The following MDN1 variants were observed in gnomAD, a reference collection of about 807,000 sequenced individuals.
MDN1 encodes midasin.
A neutral mutation model predicts 669.2 loss-of-function variants in MDN1; 266 were observed. The ratio of observed to expected loss-of-function variants is 0.40; its 90% CI spans 0.36 to 0.44. MDN1 has a LOEUF of 0.44. Ranked by LOEUF, MDN1 falls within the 20% of genes least tolerant of loss-of-function variation. MDN1 has a pLI of 1.00. For synonymous variants in MDN1, 2,385 were observed against 2,457.1 expected (o/e 0.97, Z 0.87); for missense variants, 5,940 against 6,754.0 (o/e 0.88, Z 4.22).
At position 89,656,484 on chromosome 6, in the gene MDN1, G is replaced by A. The variant is rs1809308401; in HGVS notation, c.15285+216C>T. Among the ~76,000 whole-genome samples, 6 of 152,152 alleles carry A rather than the reference G, an allele frequency of 3.9e-5. No individual in the cohort carries two copies. The South Asian group carries it at 6.2e-4, about 16-fold the overall frequency. ...GACTTCATGGCCGGAATCAGGGGTCGGGGAGAGACACAGGCAGGGAAGAAG... is the reference window on the plus strand; with the variant it reads ...GACTTCATGGCCGGAATCAGGGGTCAGGGAGAGACACAGGCAGGGAAGAAG... On this transcript the variant is annotated intron_variant, in intron 91 of 101. Coordinates refer to ENST00000369393, the MANE Select transcript of MDN1 (RefSeq NM_014611.3).
chr6:89,778,133 T>C lies in MDN1; in HGVS notation c.1726-1438A>G, dbSNP rs181659198. Among the ~76,000 whole-genome samples, 400 of 152,150 alleles carry C rather than the reference T, an allele frequency of 2.6e-3. 4 individuals carry two copies. Among genetic ancestry groups the C allele is most frequent in the Admixed American group, 5.6e-3 (86 of 15,280 alleles). ...ATTTTTTCATCCTTTTTAAAAGTAT[T>C]TTATATTTTTGTCCTGACAGTTGAA... On this transcript the variant is annotated intron_variant, in intron 11 of 101. Transcript: ENST00000369393.
rs199828870 is a variant in MDN1 at position 89,767,583 on chromosome 6, C to A, written c.2144+3978G>T. Among the ~76,000 whole-genome samples, 5 of 151,986 alleles carry A rather than the reference C, an allele frequency of 3.3e-5. No homozygotes were observed. In the East Asian group the frequency reaches 9.7e-4, roughly 29 times the overall value. On this transcript the variant is annotated intron_variant, in intron 15 of 101. Transcript: ENST00000369393. ...GACCAGCCTGACCAGCATGGTGAAA[C>A]CCTATCTCAATTAAAAATACAAAAT...
At position 89,670,797 on chromosome 6, in the gene MDN1, G is replaced by C. The variant is rs554481416; in HGVS notation, c.13956+122C>G. ...CAAAGCCCTAAATAATCCACAGGGA[G>C]AGCAAATCACATCCTGCTATTTGTG... On this transcript the variant is annotated intron_variant, in intron 83 of 101. Coordinates refer to ENST00000369393, the MANE Select transcript of MDN1 (RefSeq NM_014611.3). 7.1e-6 allele frequency: 8 copies of C among 1,131,258 alleles called. No homozygotes were observed. In the Admixed American group the frequency reaches 1.0e-4, roughly 14 times the overall value. The allele number at this position is 1,131,258 out of a possible 1,614,324, so 70.1% of individuals were successfully genotyped here.
At chr6:89,810,360 C>T (rs558641525) in intron 1 of MDN1, among the ~76,000 whole-genome samples, 478 of 151,864 alleles carry the variant, frequency 3.1e-3, no homozygotes, top group Non-Finnish European at 5.3e-3. Flanking sequence ...CGCTTGAACC[C>T]GGGAAGCAGA....
At chr6:89,670,164 A>AT (rs1234314950) in intron 83 of MDN1, among the ~76,000 whole-genome samples, 648 of 18,082 alleles carry the variant, frequency 0.036, 16 homozygotes, top group Non-Finnish European at 0.048. Flanking sequence ...ATATATATAT[A>AT]TATATATTTT....
chr6:89,781,547 G>T lies in MDN1; in HGVS notation c.1495C>A (p.Leu499Met). ...GTAAGTTGGATATAAATGTCAAGCAGGTGATCAACCACTGCCAATAGGCTA... is the reference window on the plus strand; with the variant it reads ...GTAAGTTGGATATAAATGTCAAGCATGTGATCAACCACTGCCAATAGGCTA... ...YPSLLAVVDH[L>M]LDIYIQLTGE... Residue 499 changes from leucine to methionine, a missense_variant, in exon 10 of 102, where the codon CTG becomes ATG. Transcript: ENST00000369393. 1 of 1,613,294 alleles carries T rather than the reference G, an allele frequency of 6.2e-7. No individual in the cohort carries two copies. The highest frequency in any genetic ancestry group is 1.7e-4 in the Middle Eastern group (1 of 6,060).
In MDN1 at chr6:89,648,260, A is replaced by G; in HGVS notation, c.16276T>C (p.Cys5426Arg). Residue 5426 changes from cysteine (C) to arginine (R), a missense_variant, in exon 98 of 102, where the codon TGT becomes CGT. Transcript: ENST00000369393. ...TLLEVGQIAV[C>R]SFGESVKLLH... is the part of the protein sequence containing the mutation. ...GGAATTACAAAGCAACCTTACCTAC[A>G]CACTGCAATCTGACCCACTTCCAGG... is the stretch of plus-strand genomic sequence containing the variant. 1 of 1,613,990 alleles carries G rather than the reference A, an allele frequency of 6.2e-7. No individual in the cohort carries two copies. The highest frequency in any genetic ancestry group is 8.5e-7 in the Non-Finnish European group (1 of 1,179,856).
At position 89,658,931 on chromosome 6, in the gene MDN1, A is replaced by G; in HGVS notation, c.14714-14T>C. 2 of 1,573,534 alleles carry G rather than the reference A, an allele frequency of 1.3e-6. No individual in the cohort carries two copies. Among genetic ancestry groups the G allele is most frequent in the Non-Finnish European group, 1.7e-6 (2 of 1,161,896 alleles). On this transcript the variant is annotated splice_polypyrimidine_tract_variant and intron_variant, in intron 88 of 101. Transcript: ENST00000369393. ...AAGGATTCTCTTCTGTATAGATACA[A>G]CAAAAAGGAGGAGTGCAGAATTTTT...
Position 89,687,378 on chromosome 6 carries a change from G to T in MDN1, c.11416C>A (p.Gln3806Lys). 1 of 1,614,078 alleles carries T rather than the reference G, an allele frequency of 6.2e-7. No homozygotes were observed. ...SLRKHLDLIS[Q>K]MIIRWRKLEL... The stretch of plus-strand genomic sequence containing the variant: ...AGTTTACGCCACCGAATGATCATCT[G>T]ACTGATCAAATCAAGATGTTTCCGC... Residue 3806 changes from glutamine to lysine, a missense_variant, in exon 68 of 102, where the codon CAG becomes AAG. Physicochemically the swap from Gln to Lys is moderately conservative, Grantham distance 53 (BLOSUM62 1). Transcript: ENST00000369393.
intron 12 of MDN1, among the ~76,000 whole-genome samples, chr6:89,775,677 TTTTG>T (rs1470430946): frequency 3.3e-5 from 5 of 152,252 alleles, no homozygotes; most frequent in East Asian, 1.9e-4. Context: ...CAACTTTTTT[TTTTG>T]TTTGTTTGGT....
At chr6:89,795,124 T>C (rs1445933600) in intron 2 of MDN1, among the ~76,000 whole-genome samples, 2 of 152,102 alleles carry the variant, frequency 1.3e-5, no homozygotes, top group Non-Finnish European at 2.9e-5. Context: ...GATACAAAAA[T>C]CTAAAGTAAT....
chr6:89,680,735 C>T lies in MDN1; in HGVS notation c.12119G>A (p.Trp4040Ter). The change falls in exon 74 of 102, where the codon TGG becomes TAG. Residue 4040 changes from tryptophan (W) to a stop codon, truncating the protein, a stop_gained. Coordinates refer to ENST00000369393, the MANE Select transcript of MDN1 (RefSeq NM_014611.3). LOFTEE classifies it high-confidence loss of function. ...GCCGGAAGGAGCAGCGCCCTGACAC[C>T]ACTCTGGAATTGTGGCCTGTGAGAC... ...PAAGQATIPEWCQGAAPSGLE... is the reference protein window; with the variant it reads ...PAAGQATIPE 6.2e-7 allele frequency: 1 copy of T among 1,613,990 alleles called. No individual in the cohort carries two copies. The highest frequency in any genetic ancestry group is 1.1e-5 in the South Asian group (1 of 91,066).
Position 89,702,035 on chromosome 6 carries a change from G to C in MDN1, c.8175C>G (p.Asp2725Glu). ...CTGTGTCGGCCACAGTCCAGAACCG[G>C]TCCCGCCACCGCAGAGAACCTAAGA... ...NEILGSLRWR[D>E]RFWTVADTVK... The change falls in exon 54 of 102, where the codon GAC becomes GAG. Residue 2725 changes from aspartate (D) to glutamate (E), a missense_variant. This residue lies in a region of MDN1 where 2,292 missense variants were observed against 2,638.3 expected (regional missense o/e 0.87). Transcript: ENST00000369393. The C allele has an allele frequency of 6.2e-7, 1 of 1,609,924 alleles. No individual in the cohort carries two copies. The highest frequency in any genetic ancestry group is 8.5e-7 in the Non-Finnish European group (1 of 1,178,270).
At chr6:89,703,471 T>A (rs1457153151) in intron 53 of MDN1, among the ~76,000 whole-genome samples, 1 of 151,922 alleles carries the variant, frequency 6.6e-6, no homozygotes, top group Non-Finnish European at 1.5e-5. Flanking sequence ...GCAATGCAAA[T>A]CAGGTAATAT....
intron 9 of MDN1, 137 bp downstream of exon 9, chr6:89,784,875 C>A: frequency 1.7e-6 from 1 of 589,736 alleles, no homozygotes; most frequent in Non-Finnish European, 3.0e-6. Flanking sequence ...ACAGATGAAG[C>A]AAATACAGTA....
Position 89,644,065 on chromosome 6 carries a change from C to T in MDN1, c.16731G>A (p.Glu5577=). 6.2e-7 allele frequency: 1 copy of T among 1,614,088 alleles called. No homozygotes were observed. The highest frequency in any genetic ancestry group is 8.5e-7 in the Non-Finnish European group (1 of 1,180,012). ...IILRDVNALP[E]TLSDALRQWF... ...ACTGTCTGAGGGCATCGCTGAGTGT[C>T]TCAGGAAGTGCGTTTACATCTCGAA... The change falls in exon 102 of 102, where the codon GAG becomes GAA. Residue 5577 remains glutamate, a synonymous_variant. Transcript: ENST00000369393.
rs1042267519 is a variant in MDN1, at chr6:89,712,617, T to C, written c.7388A>G (p.Tyr2463Cys). The stretch of plus-strand genomic sequence containing the variant: ...TTTCATGCTCATCCTGTTGAGACAA[T>C]ATACTAAGATCTGTCCATCTCTTCG... ...TVRRDGQILV[Y>C]CLNRMSMKTS... The change falls in exon 48 of 102, where the codon TAT becomes TGT. Residue 2463 changes from tyrosine to cysteine, a missense_variant. Coordinates refer to ENST00000369393, the MANE Select transcript of MDN1 (RefSeq NM_014611.3). 12 of 1,614,010 alleles carry C rather than the reference T, an allele frequency of 7.4e-6. No individual in the cohort carries two copies. Among genetic ancestry groups the C allele is most frequent in the Non-Finnish European group, 1.0e-5 (12 of 1,180,004 alleles).
intron 34 of MDN1, among the ~76,000 whole-genome samples, chr6:89,731,179 AC>A (rs1815570628): frequency 1.3e-5 from 2 of 152,240 alleles, no homozygotes; most frequent in Non-Finnish European, 2.9e-5. Flanking sequence ...TACATACAGT[AC>A]CTAATATGGC....
chr6:89,737,666 A>T (rs561091609), intron 33 of MDN1, among the ~76,000 whole-genome samples: 1 of 151,754 alleles, frequency 6.6e-6, no homozygotes, highest in East Asian at 1.9e-4. Flanking sequence ...TTAATTAATT[A>T]ATTTTGAGAT....
Sources: gnomAD v4.1 joint callset for allele counts (sites outside exome capture counted in the v4.1 genomes callset) on GRCh38, gnomAD v4.1.1 for gene constraint, gnomAD v4.1.1 regional missense constraint, MANE v1.5 for transcripts, NCBI Gene and HGNC (gene_info 2026-07-23, HGNC 2026-07-21) for gene names.